Variants in SFTPD observed in about 807,000 individuals in gnomAD.
The protein encoded by SFTPD is pulmonary surfactant-associated protein D.
In SFTPD, 18 loss-of-function variants were observed where a neutral mutation model predicts 34.6. The ratio of observed to expected loss-of-function variants is 0.52; its 90% CI spans 0.36 to 0.77. The LOEUF (loss-of-function observed/expected upper bound fraction) is 0.77, where lower values mean the gene tolerates loss of function less well. Ranked by LOEUF, SFTPD falls within the 30% of genes least tolerant of loss-of-function variation. SFTPD has a pLI of 0.00. For synonymous variants in SFTPD, 155 were observed against 180.9 expected (o/e 0.86, Z 1.15); for missense variants, 433 against 468.9 (o/e 0.92, Z 0.71).
At position 79,942,801 on chromosome 10, in the gene SFTPD, A is replaced by G; in HGVS notation, c.278T>C (p.Val93Ala). The change falls in exon 3 of 8, where the codon GTT becomes GCT. Residue 93 changes from valine to alanine, a missense_variant. Coordinates refer to ENST00000372292, the MANE Select transcript of SFTPD (RefSeq NM_003019.5). ...GTCTCCCTTTGGTCCAGGTTCTCCA[A>G]CAGAGCCATTGTCCCCTTTGGGCCC... ...PVGPKGDNGS[V>A]GEPGPKGDTG... 6.2e-7 allele frequency: 1 copy of G among 1,613,654 alleles called. No homozygotes were observed. Among genetic ancestry groups the G allele is most frequent in the Non-Finnish European group, 8.5e-7 (1 of 1,179,686 alleles).
chr10:79,977,084 C>G lies in SFTPD; in HGVS notation c.36+5491G>C, dbSNP rs553592725. Among the ~76,000 whole-genome samples, 197 of 152,294 alleles carry G rather than the reference C, an allele frequency of 1.3e-3. 2 individuals are homozygous for G. The highest frequency in any genetic ancestry group is 4.6e-3 in the African/African-American group (192 of 41,554). Reference sequence around the variant, plus strand: ...AAGCCTCTTTTTCTTCCCAGTCTTGCATATGTCTTTATCAGCAGCATGAAA... The same window carrying G: ...AAGCCTCTTTTTCTTCCCAGTCTTGGATATGTCTTTATCAGCAGCATGAAA... On this transcript the variant is annotated intron_variant, in intron 1 of 5. Coordinates refer to the SFTPD transcript ENST00000444384.
At chr10:79,969,829 C>T (rs1463245354) in intron 1 of SFTPD, 2 of 152,102 alleles carry the variant, frequency 1.3e-5, no homozygotes, top group Non-Finnish European at 1.5e-5. Flanking sequence ...TTCTCCCATT[C>T]TGTAGGTTCT....
chr10:79,957,155 C>T (rs984134019), intron 1 of SFTPD, among the ~76,000 whole-genome samples: 20 of 151,356 alleles, frequency 1.3e-4, no homozygotes, highest in African/African-American at 4.4e-4. Flanking sequence ...TTCTGTATGT[C>T]ACCATCGTCA....
intron 1 of SFTPD, among the ~76,000 whole-genome samples, chr10:79,967,082 C>T (rs1190363557): frequency 2.5e-5 from 3 of 119,718 alleles, no homozygotes; most frequent in Non-Finnish European, 5.0e-5. Context: ...TCTCCTTAAG[C>T]TGATAAGCAA....
chr10:79,946,900 AT>A (rs1842671500), intron 1 of SFTPD, among the ~76,000 whole-genome samples: 1 of 152,170 alleles, frequency 6.6e-6, no homozygotes, highest in African/African-American at 2.4e-5. Flanking sequence ...AGCATCCCCC[AT>A]TCCCAGGTGC....
intron 1 of SFTPD, among the ~76,000 whole-genome samples, chr10:79,978,673 AAAAAG>A (rs1842875426): frequency 6.6e-6 from 1 of 151,362 alleles, no homozygotes; most frequent in African/African-American, 2.4e-5. Context: ...AAAAAAAAAA[AAAAAG>A]GTATAGAATG....
intron 1 of SFTPD, among the ~76,000 whole-genome samples, chr10:79,958,751 C>G (rs1433090079): frequency 6.6e-6 from 1 of 152,154 alleles, no homozygotes; most frequent in Non-Finnish European, 1.5e-5. Context: ...AGAAAGTTAA[C>G]AAGGATATCC....
At chr10:79,960,587 A>C (rs1056269523) in intron 1 of SFTPD, among the ~76,000 whole-genome samples, 4 of 150,874 alleles carry the variant, frequency 2.7e-5, no homozygotes, top group Non-Finnish European at 4.4e-5. Flanking sequence ...CCAACTTACA[A>C]GGGATGTGAA....
chr10:79,956,225 C>G (rs1019262137), intron 1 of SFTPD, among the ~76,000 whole-genome samples: 1 of 152,220 alleles, frequency 6.6e-6, no homozygotes, highest in Non-Finnish European at 1.5e-5. Flanking sequence ...CCAGTGTGAG[C>G]GACACAGAAG....
chr10:79,947,629 G>T (rs1842678407), intron 1 of SFTPD, among the ~76,000 whole-genome samples: 1 of 152,162 alleles, frequency 6.6e-6, no homozygotes, highest in African/African-American at 2.4e-5. Flanking sequence ...GGTGGAGGGT[G>T]CAGTGAGCCG....
In SFTPD at chr10:79,942,072, TGAA is replaced by T; in HGVS notation, c.434-5_434-3del. ...GCATGCCTGGGGCACCTACTTCTCC[TGAA>T]GAAGGAACACACAGGAACAAACACA... On this transcript the variant is annotated splice_region_variant and splice_polypyrimidine_tract_variant and intron_variant, in intron 4 of 7. Transcript: ENST00000372292. 2 of 1,598,682 alleles carry T rather than the reference TGAA, an allele frequency of 1.3e-6. No individual in the cohort carries two copies. Among genetic ancestry groups the T allele is most frequent in the Non-Finnish European group, 1.7e-6 (2 of 1,166,880 alleles).
chr10:79,961,180 A>G (rs1022394474), intron 1 of SFTPD, among the ~76,000 whole-genome samples: 2 of 152,192 alleles, frequency 1.3e-5, no homozygotes, highest in African/African-American at 4.8e-5. Flanking sequence ...TTAGACCTAA[A>G]ACCATAAAAA....
At chr10:79,949,856 ATTTT>A (rs5786427), upstream of SFTPD, among the ~76,000 whole-genome samples, 4 of 146,182 alleles carry the variant, frequency 2.7e-5, no homozygotes, top group South Asian at 2.2e-4. Context: ...GTCTGTATGT[ATTTT>A]TTTTTTTTTT....
upstream of SFTPD, among the ~76,000 whole-genome samples, chr10:79,949,856 A>ATTTTTT (rs5786427): frequency 6.8e-6 from 1 of 146,100 alleles, no homozygotes; most frequent in African/African-American, 2.5e-5. Flanking sequence ...GTCTGTATGT[A>ATTTTTT]TTTTTTTTTT....
intron 6 of SFTPD, 29 bp from the exon 7 acceptor site, chr10:79,940,817 A>G: frequency 1.4e-6 from 2 of 1,473,954 alleles, no homozygotes; most frequent in South Asian, 2.3e-5. Flanking sequence ...CCAAGTAAAG[A>G]CTTGTCCAGA....
chr10:79,948,770 T>C (rs980052081), intron 1 of SFTPD, among the ~76,000 whole-genome samples: 2 of 152,152 alleles, frequency 1.3e-5, no homozygotes, highest in African/African-American at 4.8e-5. Flanking sequence ...CATTGCATTT[T>C]TCCACCTGAA....
chr10:79,982,349 G>A (rs116193411), intron 1 of SFTPD: 63,910 of 988,562 alleles, frequency 0.065, 2,479 homozygotes, highest in Middle Eastern at 0.13. Flanking sequence ...TGCTGCGAAG[G>A]CCCTGGCAGC....
intron 7 of SFTPD, 78 bp downstream of exon 7, chr10:79,940,627 C>A (rs1167907059): frequency 2.1e-6 from 2 of 974,332 alleles, no homozygotes; most frequent in Non-Finnish European, 3.3e-6. Flanking sequence ...TAGCCCCAGC[C>A]AAAGGCCAAA....
intron 1 of SFTPD, among the ~76,000 whole-genome samples, chr10:79,959,472 G>A (rs989310658): frequency 5.3e-5 from 8 of 152,022 alleles, no homozygotes; most frequent in East Asian, 1.9e-4. Context: ...TATCACCACC[G>A]ATCCCACAGA....
Sources: allele counts gnomAD v4.1 joint callset (sites outside exome capture counted in the v4.1 genomes callset), GRCh38; gene constraint gnomAD v4.1.1; transcripts MANE v1.5; gene names NCBI Gene and HGNC (gene_info 2026-07-23, HGNC 2026-07-21).